Variants in BBS2 observed in about 807,000 individuals in gnomAD.
BBS2 encodes the protein Bardet-Biedl syndrome 2, also known as BBSome complex member BBS2.
In BBS2, 62 loss-of-function variants were observed where a neutral mutation model predicts 83.0. The observed-to-expected ratio is 0.75, with a 90% CI of 0.61 to 0.92. BBS2 has a LOEUF of 0.92. BBS2 is among the 40% of genes least tolerant of loss of function. The pLI, the probability that BBS2 is intolerant of heterozygous loss-of-function variation, is 0.00. For synonymous variants in BBS2, 303 were observed against 326.1 expected, an observed-to-expected ratio of 0.93 and a Z score of 0.76; for missense variants, 784 against 901.0, an observed-to-expected ratio of 0.87 and a Z score of 1.66.
chr16:56,520,020 C>G lies in BBS2; in HGVS notation c.-158G>C. ...GCCCGGGACGAACCCGTCCAGGTAC[C>G]GCCTGCTCCTCCTGCGGCGGCGCAG... On this transcript the variant is annotated 5_prime_UTR_variant, in exon 1 of 17. Coordinates refer to ENST00000245157, the MANE Select transcript of BBS2 (RefSeq NM_031885.5). The G allele has an allele frequency of 4.5e-6, 3 of 672,924 alleles. No homozygotes were observed. Among genetic ancestry groups the G allele is most frequent in the South Asian group, 1.6e-5 (1 of 62,438 alleles). The allele number at this position is 672,924 out of a possible 1,614,324, so 41.7% of individuals were successfully genotyped here.
At chr16:56,475,403 C>T (rs764777274) in intron 17 of BBS2, 43 of 1,038,042 alleles carry the variant, frequency 4.1e-5, no homozygotes, top group Non-Finnish European at 6.3e-5. Flanking sequence ...CTGCTGAACT[C>T]CCAGATCCCC....
At chr16:56,517,317 G>A (rs1478833235) in intron 1 of BBS2, among the ~76,000 whole-genome samples, 1 of 152,206 alleles carries the variant, frequency 6.6e-6, no homozygotes. Flanking sequence ...GATCTGGCTT[G>A]TGTCTACCTC....
intron 7 of BBS2, among the ~76,000 whole-genome samples, chr16:56,503,263 T>G (rs1197449509): frequency 6.6e-6 from 1 of 152,188 alleles, no homozygotes; most frequent in Non-Finnish European, 1.5e-5. Flanking sequence ...AAATTAACAG[T>G]ACTATATCCC....
At chr16:56,485,332 A>G (rs558721790) in intron 16 of BBS2, among the ~76,000 whole-genome samples, 8 of 152,156 alleles carry the variant, frequency 5.3e-5, no homozygotes, top group African/African-American at 1.9e-4. Context: ...TTTGGGTTAT[A>G]TATAGTAGGT....
intron 14 of BBS2, 29 bp downstream of exon 14, chr16:56,497,714 T>C: frequency 6.2e-7 from 1 of 1,611,912 alleles, no homozygotes; most frequent in Non-Finnish European, 8.5e-7. Context: ...TACCACATTC[T>C]CACAAATGCA....
At chr16:56,474,713 T>C in intron 17 of BBS2, 3 of 734,264 alleles carry the variant, frequency 4.1e-6, no homozygotes, top group Non-Finnish European at 6.6e-6. Context: ...AATCAAAGGT[T>C]TGTGGGAATG....
chr16:56,476,688 C>G (rs1333544612), intron 17 of BBS2: 1 of 153,234 alleles, frequency 6.5e-6, no homozygotes, highest in Non-Finnish European at 1.5e-5. Context: ...AACAGCCATA[C>G]CTTTTGTCTC....
chr16:56,475,431 G>T lies in BBS2; in HGVS notation c.*1-4736C>A, dbSNP rs1440541555. ...AGATCCCCCACTGTTAAGCAGCATG[G>T]GATCAGTGATTTAAGTAGATGGTGC... On this transcript the variant is annotated intron_variant, in intron 17 of 17. Coordinates refer to the BBS2 transcript ENST00000682047. 9.1e-6 allele frequency: 12 copies of T among 1,312,784 alleles called. No homozygotes were observed. The East Asian group carries it at 2.5e-4, about 28-fold the overall frequency. 81.3% of individuals were successfully genotyped at this position (1,312,784 alleles called of 1,614,324 possible).
chr16:56,473,023 C>T (rs1298452118), intron 17 of BBS2, among the ~76,000 whole-genome samples: 2 of 152,130 alleles, frequency 1.3e-5, no homozygotes, highest in South Asian at 4.1e-4. Context: ...CTCCGTCTTC[C>T]GGGTTCAAGC....
Position 56,500,995 on chromosome 16 carries a change from G to T in BBS2, c.1256C>A (p.Ala419Glu). ...GCTTTCACCTGTAAAAATTCCTTCTGCAAAAATCAATACTGCTCGGATGAT... is the reference window on the plus strand; with the variant it reads ...GCTTTCACCTGTAAAAATTCCTTCTTCAAAAATCAATACTGCTCGGATGAT... ...DTIIRAVLIF[A>E]EGIFTGESHV... The change falls in exon 11 of 17, where the codon GCA becomes GAA. Residue 419 changes from alanine to glutamate, a missense_variant. Ala to Glu is a moderately radical substitution (Grantham distance 107, BLOSUM62 -1). Transcript: ENST00000245157. The T allele has an allele frequency of 6.2e-7, 1 of 1,614,098 alleles. No homozygotes were observed. Among genetic ancestry groups the T allele is most frequent in the Non-Finnish European group, 8.5e-7 (1 of 1,180,002 alleles).
chr16:56,490,196 G>C (rs1225969231), intron 15 of BBS2, among the ~76,000 whole-genome samples: 3 of 151,916 alleles, frequency 2.0e-5, no homozygotes, highest in Middle Eastern at 3.4e-3. Flanking sequence ...TAAGGAAAAT[G>C]ATAAAACTGA....
downstream of BBS2, among the ~76,000 whole-genome samples, chr16:56,481,443 C>T (rs745453903): frequency 8.6e-5 from 13 of 152,030 alleles, no homozygotes; most frequent in Non-Finnish European, 1.5e-4. Context: ...AGCATTTGAG[C>T]GGGGCTTTGA....
intron 2 of BBS2, among the ~76,000 whole-genome samples, chr16:56,512,664 C>G (rs1964612682): frequency 6.6e-6 from 1 of 152,148 alleles, no homozygotes; most frequent in Non-Finnish European, 1.5e-5. Context: ...TCTAAGCTGA[C>G]AGAAGTCAGA....
rs1193216122 is a variant in BBS2, at chr16:56,499,833, G to A, written c.1472C>T (p.Pro491Leu). Residue 491 changes from proline (P) to leucine (L), a missense_variant, in exon 12 of 17, where the codon CCT becomes CTT. Physicochemically the swap from Pro to Leu is moderately conservative, Grantham distance 98 (BLOSUM62 -3). Coordinates refer to ENST00000245157, the MANE Select transcript of BBS2 (RefSeq NM_031885.5). ...AACATAACTGATTGGCTCACTGGCAGGGTCCAGGCTGGTCAGCGCATACAT... is the reference window on the plus strand; with the variant it reads ...AACATAACTGATTGGCTCACTGGCAAGGTCCAGGCTGGTCAGCGCATACAT... ...FSMYALTSLD[P>L]ASEPISYVNF... is the part of the protein sequence containing the mutation. 2.5e-6 allele frequency: 4 copies of A among 1,614,182 alleles called. No individual in the cohort carries two copies. In the East Asian group the frequency reaches 6.7e-5, roughly 27 times the overall value.
At chr16:56,514,382 A>T (rs1964671158) in intron 2 of BBS2, 71 bp downstream of exon 2, 5 of 1,382,154 alleles carry the variant, frequency 3.6e-6, no homozygotes, top group Non-Finnish European at 5.1e-6. Flanking sequence ...AAATGATCTG[A>T]TCTCTTCTAA....
intron 13 of BBS2, 29 bp from the exon 14 acceptor site, chr16:56,497,909 G>A (rs760751188): frequency 1.2e-6 from 2 of 1,603,448 alleles, no homozygotes; most frequent in East Asian, 2.2e-5. Flanking sequence ...GACAAGTTTA[G>A]CATCCTCAGA....
Position 56,484,747 on chromosome 16 carries a change from T to C in BBS2, c.*14A>G, listed in dbSNP as rs749370438. 29 of 1,607,988 alleles carry C rather than the reference T, an allele frequency of 1.8e-5. No homozygotes were observed. The African/African-American group carries it at 2.4e-4, about 13-fold the overall frequency. On this transcript the variant is annotated 3_prime_UTR_variant, in exon 17 of 17. Transcript: ENST00000245157. The stretch of plus-strand genomic sequence containing the variant: ...AATCTTTGCCAGGAACTTCATGACC[T>C]GTATTTTCCTCACCTAGGAAGAAGC...
chr16:56,476,044 C>T (rs962558745), intron 17 of BBS2: 45 of 1,606,614 alleles, frequency 2.8e-5, no homozygotes, highest in Non-Finnish European at 3.8e-5. Context: ...TCTTTTTCAG[C>T]TGCTAACAGT....
chr16:56,490,016 C>G (rs1027883906), intron 15 of BBS2, among the ~76,000 whole-genome samples: 2 of 150,022 alleles, frequency 1.3e-5, no homozygotes, highest in Non-Finnish European at 3.0e-5. Flanking sequence ...ACTCCAGCAG[C>G]TGAGGTGGGA....
Sources: gnomAD v4.1 joint callset for allele counts (sites outside exome capture counted in the v4.1 genomes callset) on GRCh38, gnomAD v4.1.1 for gene constraint, MANE v1.5 for transcripts, NCBI Gene and HGNC (gene_info 2026-07-23, HGNC 2026-07-21) for gene names.